AGAP3: variants seen among roughly 807,000 people sequenced by gnomAD.
The protein encoded by AGAP3 is ArfGAP with GTPase domain, ankyrin repeat and PH domain 3.
A neutral mutation model predicts 96.9 loss-of-function variants in AGAP3; 24 were observed. The observed-to-expected ratio is 0.25, with a 90% CI of 0.18 to 0.35. The LOEUF (loss-of-function observed/expected upper bound fraction) is 0.35. AGAP3 is among the 10% of genes least tolerant of loss of function. The pLI is 1.00. For synonymous variants in AGAP3, 563 were observed against 536.1 expected (o/e 1.05, Z -0.69); for missense variants, 876 against 1,254.2 (o/e 0.70, Z 4.55).
chr7:151,102,540 A>G (rs1178740141), intron 1 of AGAP3, among the ~76,000 whole-genome samples: 1 of 150,240 alleles, frequency 6.7e-6, no homozygotes, highest in Non-Finnish European at 1.5e-5. Context: ...CAGGAGGATC[A>G]CTTGAGCCTA....
intron 1 of AGAP3, among the ~76,000 whole-genome samples, chr7:151,099,998 G>C (rs563397470): frequency 6.6e-6 from 1 of 152,218 alleles, no homozygotes; most frequent in African/African-American, 2.4e-5. Flanking sequence ...CTCATGGACT[G>C]TGCTGGGAAG....
chr7:151,119,854 TA>T, intron 7 of AGAP3, 132 bp from the exon 8 acceptor site: 1 of 747,146 alleles, frequency 1.3e-6, no homozygotes, highest in Non-Finnish European at 2.2e-6. Context: ...ATATCATCTG[TA>T]GGGGCTAGTG....
At chr7:151,131,315 G>C (rs1354652753) in intron 10 of AGAP3, 1 of 152,262 alleles carries the variant, frequency 6.6e-6, no homozygotes, top group Non-Finnish European at 1.5e-5. Context: ...GAAACTAATT[G>C]AATGTGGCTT....
At chr7:151,120,255 T>C (rs2150481376) in intron 8 of AGAP3, 110 bp downstream of exon 8, 1 of 1,164,644 alleles carries the variant, frequency 8.6e-7, no homozygotes, top group Admixed American at 2.3e-5. Flanking sequence ...AGGAAGACGG[T>C]ACCTGCAGTC....
Position 151,123,961 on chromosome 7 carries a change from C to T in AGAP3, c.1221+75C>T, listed in dbSNP as rs1585089283. ...AATGTGGCGCTTCCCAGGGCCTCTTCTCAGGCCTCTGTGATGGGGGAGATG... is the reference window on the plus strand; with the variant it reads ...AATGTGGCGCTTCCCAGGGCCTCTTTTCAGGCCTCTGTGATGGGGGAGATG... On this transcript the variant is annotated intron_variant, in intron 9 of 17. Transcript: ENST00000397238. 2.1e-6 allele frequency: 3 copies of T among 1,439,616 alleles called. No homozygotes were observed. In the East Asian group the frequency reaches 7.0e-5, roughly 34 times the overall value. The allele number at this position is 1,439,616 out of a possible 1,614,324, so 89.2% of individuals were successfully genotyped here. A position where few individuals can be genotyped will look rare whatever the true frequency, so the allele number is the denominator to read the frequency against.
rs966157210 is a variant in AGAP3 at position 151,141,619 on chromosome 7, G to A, written c.1805-279G>A. 2.9e-5 allele frequency: 13 copies of A among 455,054 alleles called. No individual in the cohort carries two copies. The highest frequency in any genetic ancestry group is 6.1e-4 in the Middle Eastern group (1 of 1,634). The allele number at this position is 455,054 out of a possible 1,614,324, so 28.2% of individuals were successfully genotyped here. On this transcript the variant is annotated intron_variant, in intron 13 of 17. Coordinates refer to ENST00000397238, the MANE Select transcript of AGAP3 (RefSeq NM_031946.7). The surrounding 1 kb of genome is among the most constrained non-coding windows in gnomAD (Gnocchi z 4.2). ...CCTCTCTGGTTTCACACCCATTCCCGGCAGTGCCAGGGGTGCCAAGATCTT... is the reference window on the plus strand; with the variant it reads ...CCTCTCTGGTTTCACACCCATTCCCAGCAGTGCCAGGGGTGCCAAGATCTT...
Position 151,142,782 on chromosome 7 carries a change from C to G in AGAP3, c.2273+148C>G. Reference sequence around the variant, plus strand: ...GGCAGTTGGCCCCTTGGGGGTGCCCCTCCTGCTCTGGTGCCTGTCACTCAG... The same window carrying G: ...GGCAGTTGGCCCCTTGGGGGTGCCCGTCCTGCTCTGGTGCCTGTCACTCAG... On this transcript the variant is annotated intron_variant, in intron 16 of 17. Transcript: ENST00000397238. The surrounding 1 kb of genome is among the most constrained non-coding windows in gnomAD (Gnocchi z 7.5). The G allele has an allele frequency of 2.4e-6, 2 of 840,380 alleles. No individual in the cohort carries two copies. The highest frequency in any genetic ancestry group is 1.8e-6 in the Non-Finnish European group (1 of 550,334). 52.1% of individuals were successfully genotyped at this position (840,380 alleles called of 1,614,324 possible).
At chr7:151,138,423 G>A in intron 12 of AGAP3, 110 bp downstream of exon 12, 1 of 1,301,866 alleles carries the variant, frequency 7.7e-7, no homozygotes, top group Non-Finnish European at 1.0e-6. Context: ...CAGTGTCCAG[G>A]CCAAGGGGTG....
chr7:151,087,843 G>T (rs550216920), intron 1 of AGAP3, among the ~76,000 whole-genome samples: 3 of 152,400 alleles, frequency 2.0e-5, no homozygotes, highest in African/African-American at 7.2e-5. Context: ...ACCGCTGAGG[G>T]CACAGGAAGT....
intron 8 of AGAP3, chr7:151,123,095 C>T: frequency 1.7e-6 from 2 of 1,163,256 alleles, no homozygotes; most frequent in Non-Finnish European, 2.1e-6. Flanking sequence ...GGAGTCCAAG[C>T]CCGCCCGGCC....
At chr7:151,122,516 G>GCCGCCT (rs1199917967) in intron 8 of AGAP3, among the ~76,000 whole-genome samples, 4 of 151,600 alleles carry the variant, frequency 2.6e-5, no homozygotes, top group Admixed American at 6.6e-5. Flanking sequence ...CGCCGCCGCC[G>GCCGCCT]CCGCCTCCTC....
rs1563524017 is a variant in AGAP3, at chr7:151,138,207, G to T, written c.1560G>T (p.Trp520Cys). 6.2e-7 allele frequency: 1 copy of T among 1,611,164 alleles called. No homozygotes were observed. The highest frequency in any genetic ancestry group is 1.3e-5 in the African/African-American group (1 of 74,842). Residue 520 changes from tryptophan (W) to cysteine (C), a missense_variant, in exon 12 of 18, where the codon TGG becomes TGT. Transcript: ENST00000397238. ...HSERPLSSSAWAGPRPEGLHQ... is the reference protein window; with the variant it reads ...HSERPLSSSACAGPRPEGLHQ... ...AGCGCCCCCTCAGCAGCTCGGCCTG[G>T]GCTGGCCCGCGCCCTGAGGGGCTGC...
intron 8 of AGAP3, among the ~76,000 whole-genome samples, chr7:151,121,800 A>G (rs1799907950): frequency 6.6e-6 from 1 of 151,614 alleles, no homozygotes; most frequent in Non-Finnish European, 1.5e-5. Flanking sequence ...CGGCCTCAAG[A>G]CGCGTCCGTC....
chr7:151,131,166 G>C (rs1299022241), intron 10 of AGAP3: 2 of 152,226 alleles, frequency 1.3e-5, no homozygotes, highest in Non-Finnish European at 2.9e-5. Flanking sequence ...TGAGTTCGTG[G>C]GCCAGCCCTG....
At chr7:151,126,975 G>A (rs1056705550) in intron 9 of AGAP3, among the ~76,000 whole-genome samples, 22 of 152,228 alleles carry the variant, frequency 1.4e-4, no homozygotes, top group African/African-American at 5.3e-4. Flanking sequence ...GTGGCCGGAG[G>A]AGGAGCAGCA....
At chr7:151,107,035 C>T (rs988505377) in intron 1 of AGAP3, among the ~76,000 whole-genome samples, 2 of 148,934 alleles carry the variant, frequency 1.3e-5, no homozygotes, top group Non-Finnish European at 3.0e-5. Flanking sequence ...TGCGGCCGGG[C>T]GTGGTGGCTC....
Position 151,114,178 on chromosome 7 carries a change from T to C in AGAP3, c.332-2615T>C, listed in dbSNP as rs1799423706. Reference sequence around the variant, plus strand: ...CTGTAGCAGCCAGCAACTCTCGACCTCAGAATGTCAGAGCCGAAACTAAGA... The same window carrying C: ...CTGTAGCAGCCAGCAACTCTCGACCCCAGAATGTCAGAGCCGAAACTAAGA... On this transcript the variant is annotated intron_variant, in intron 1 of 17. Coordinates refer to ENST00000397238, the MANE Select transcript of AGAP3 (RefSeq NM_031946.7). This position sits in a 1 kb window ranked among gnomAD's most constrained non-coding sequence, Gnocchi z 4.4. 6.6e-6 allele frequency among the ~76,000 whole-genome samples: 1 copy of C among 152,182 alleles called. No homozygotes were observed. Among genetic ancestry groups the C allele is most frequent in the Non-Finnish European group, 1.5e-5 (1 of 68,032 alleles).
In AGAP3 at chr7:151,094,741, C is replaced by A. The variant is rs1348441435; in HGVS notation, c.331+7669C>A. ...TGTTGCCCAGGCTGGCTGTAAACTC[C>A]TGGCCTCGAGTGATCTTCCCGTCTC... On this transcript the variant is annotated intron_variant, in intron 1 of 17. Coordinates refer to ENST00000397238, the MANE Select transcript of AGAP3 (RefSeq NM_031946.7). Among the ~76,000 whole-genome samples the A allele has an allele frequency of 2.0e-5, 3 of 146,914 alleles. No homozygotes were observed. In the East Asian group the frequency reaches 6.3e-4, roughly 31 times the overall value.
chr7:151,121,306 T>C (rs948331526), intron 8 of AGAP3, among the ~76,000 whole-genome samples: 2 of 152,042 alleles, frequency 1.3e-5, no homozygotes, highest in Non-Finnish European at 2.9e-5. Flanking sequence ...GTGCAGCTTC[T>C]CCTTTCTATC....
Sources: allele counts gnomAD v4.1 joint callset (sites outside exome capture counted in the v4.1 genomes callset), GRCh38; gene constraint gnomAD v4.1.1; non-coding constraint Gnocchi (gnomAD v3.1); transcripts MANE v1.5; gene names NCBI Gene and HGNC (gene_info 2026-07-23, HGNC 2026-07-21).